Variants in JMJD1C observed in about 807,000 individuals in gnomAD.
The protein encoded by JMJD1C is jumonji domain-containing protein 1C.
In JMJD1C, 31 loss-of-function variants were observed where a neutral mutation model predicts 245.3. That is an observed-to-expected ratio of 0.13 (90% CI 0.09 to 0.17). JMJD1C has a LOEUF of 0.17. Among genes scored for constraint, JMJD1C ranks in the 10% least tolerant of loss-of-function variants. The probability of loss-of-function intolerance (pLI) is 1.00; values close to 1 mark genes in which losing one functional copy is unlikely to be tolerated. For synonymous variants in JMJD1C, 1,057 were observed against 1,017.4 expected, an observed-to-expected ratio of 1.04 and a Z score of -0.74; for missense variants, 2,691 against 3,000.2, an observed-to-expected ratio of 0.90 and a Z score of 2.41.
chr10:63,487,134 G>A (rs780791254), intron 1 of JMJD1C, among the ~76,000 whole-genome samples: 1 of 152,162 alleles, frequency 6.6e-6, no homozygotes, highest in Non-Finnish European at 1.5e-5. Flanking sequence ...TATGATATAG[G>A]AAGTCTGAAG....
chr10:63,177,928 T>A, intron 22 of JMJD1C, 72 bp from the exon 23 acceptor site: 1 of 1,512,118 alleles, frequency 6.6e-7, no homozygotes, highest in Non-Finnish European at 9.0e-7. Context: ...AAAGTTGATC[T>A]ATCAGAGCAG....
intron 1 of JMJD1C, among the ~76,000 whole-genome samples, chr10:63,428,774 C>T (rs972483036): frequency 1.3e-5 from 2 of 152,072 alleles, no homozygotes; most frequent in African/African-American, 4.8e-5. Context: ...CTTAACTTTC[C>T]CTTATCCTTG....
At chr10:63,333,302 T>C (rs7918743) in intron 2 of JMJD1C, among the ~76,000 whole-genome samples, 104,901 of 152,032 alleles carry the variant, frequency 0.69, 37,930 homozygotes, top group Non-Finnish European at 0.81. Context: ...CACTTGTAAT[T>C]CCAGCACTTA....
intron 3 of JMJD1C, among the ~76,000 whole-genome samples, chr10:63,228,582 G>A (rs185522640): frequency 2.7e-4 from 41 of 152,236 alleles, no homozygotes; most frequent in South Asian, 4.1e-4. Context: ...TGTAGGTACA[G>A]TTTGCCTTTT....
intron 2 of JMJD1C, among the ~76,000 whole-genome samples, chr10:63,350,305 T>C (rs1288334672): frequency 6.6e-6 from 1 of 152,214 alleles, no homozygotes; most frequent in African/African-American, 2.4e-5. Flanking sequence ...TTTTCAGATT[T>C]TTAAAATCCT....
In JMJD1C at chr10:63,309,694, G is replaced by A. The variant is rs527732831; in HGVS notation, c.334-44930C>T. ...AGCACTTTGGGAGGCCAAGGCGAGC[G>A]GATCACGAGGTCTGGAGTTCGAGAC... On this transcript the variant is annotated intron_variant, in intron 2 of 25. Coordinates refer to ENST00000399262, the MANE Select transcript of JMJD1C (RefSeq NM_032776.3). Among the ~76,000 whole-genome samples the A allele has an allele frequency of 2.2e-4, 33 of 151,700 alleles. No individual in the cohort carries two copies. In the East Asian group the frequency reaches 5.3e-3, roughly 24 times the overall value.
chr10:63,409,282 A>G (rs1172163493), intron 1 of JMJD1C, among the ~76,000 whole-genome samples: 1 of 152,218 alleles, frequency 6.6e-6, no homozygotes, highest in Non-Finnish European at 1.5e-5. Context: ...ACTGGCAACC[A>G]AAATGAGTGA....
intron 1 of JMJD1C, among the ~76,000 whole-genome samples, chr10:63,520,399 A>C (rs2133315364): frequency 6.6e-6 from 1 of 151,950 alleles, no homozygotes; most frequent in African/African-American, 2.4e-5. Context: ...TTCATCTTTT[A>C]TTCTTCGCAC....
intron 1 of JMJD1C, among the ~76,000 whole-genome samples, chr10:63,425,068 C>T (rs1950362127): frequency 6.6e-6 from 1 of 152,132 alleles, no homozygotes; most frequent in Non-Finnish European, 1.5e-5. Flanking sequence ...AGGACACAGG[C>T]ACTAACTACT....
chr10:63,189,028 G>A lies in JMJD1C; in HGVS notation c.6570+140C>T, dbSNP rs903597799. The A allele has an allele frequency of 2.4e-5, 15 of 632,132 alleles. No individual in the cohort carries two copies. The South Asian group carries it at 4.8e-4, about 20-fold the overall frequency. 39.2% of individuals were successfully genotyped at this position (632,132 alleles called of 1,614,324 possible). ...AACAAGCATTCTGACAATCTTTTCG[G>A]TACTTTTATATCTTATTGTCCCCCA... is the stretch of plus-strand genomic sequence containing the variant. On this transcript the variant is annotated intron_variant, in intron 18 of 25. Transcript: ENST00000399262.
chr10:63,182,362 C>T (rs984703466), intron 22 of JMJD1C, among the ~76,000 whole-genome samples: 2 of 152,140 alleles, frequency 1.3e-5, no homozygotes, highest in African/African-American at 4.8e-5. Flanking sequence ...GAGTAATAAA[C>T]GAACCAGAAA....
chr10:63,393,970 C>A (rs996821164), intron 1 of JMJD1C, among the ~76,000 whole-genome samples: 2 of 151,872 alleles, frequency 1.3e-5, no homozygotes, highest in African/African-American at 2.4e-5. Flanking sequence ...CACCTGAGGT[C>A]GAGAGGAGTT....
At chr10:63,447,030 G>T (rs1355334303) in intron 1 of JMJD1C, among the ~76,000 whole-genome samples, 1 of 150,952 alleles carries the variant, frequency 6.6e-6, no homozygotes, top group Non-Finnish European at 1.5e-5. Flanking sequence ...GTGAGGGATA[G>T]GTATAACTCT....
chr10:63,453,841 C>T (rs1201631860), intron 1 of JMJD1C, among the ~76,000 whole-genome samples: 3 of 152,120 alleles, frequency 2.0e-5, no homozygotes, highest in Non-Finnish European at 1.5e-5. Flanking sequence ...TAGGTTCAAG[C>T]GATTCTCCTG....
chr10:63,180,766 CT>C (rs1387922653), intron 22 of JMJD1C, among the ~76,000 whole-genome samples: 5 of 115,264 alleles, frequency 4.3e-5, no homozygotes, highest in Non-Finnish European at 5.6e-5. Flanking sequence ...CCATGCACAG[CT>C]AATTTTTTTT....
intron 1 of JMJD1C, among the ~76,000 whole-genome samples, chr10:63,514,949 AT>A (rs200646231): frequency 9.0e-4 from 134 of 148,520 alleles, no homozygotes; most frequent in East Asian, 1.6e-3. Context: ...AATACTAAGT[AT>A]TTTTTTTTTT....
chr10:63,420,283 TGTAA>T (rs1463671868), intron 1 of JMJD1C, among the ~76,000 whole-genome samples: 1 of 152,116 alleles, frequency 6.6e-6, no homozygotes, highest in Admixed American at 6.5e-5. Flanking sequence ...CAACAAAATT[TGTAA>T]GTATTTCTGT....
chr10:63,265,981 G>A (rs1855529475), intron 2 of JMJD1C, among the ~76,000 whole-genome samples: 1 of 151,998 alleles, frequency 6.6e-6, no homozygotes, highest in African/African-American at 2.4e-5. Context: ...TGGCTTTTAA[G>A]GAGTTAATTT....
chr10:63,357,459 C>T (rs1944942667), intron 2 of JMJD1C, among the ~76,000 whole-genome samples: 2 of 152,020 alleles, frequency 1.3e-5, no homozygotes, highest in Admixed American at 1.3e-4. Context: ...GTGTGCGCCA[C>T]CACACCTGGT....
Sources: allele counts gnomAD v4.1 joint callset (sites outside exome capture counted in the v4.1 genomes callset), GRCh38; gene constraint gnomAD v4.1.1; transcripts MANE v1.5; gene names NCBI Gene and HGNC (gene_info 2026-07-23, HGNC 2026-07-21).